Variants in ATP9B observed in about 807,000 individuals in gnomAD.
The protein encoded by ATP9B is ATPase phospholipid transporting 9B.
In ATP9B, 110 loss-of-function variants were observed where a neutral mutation model predicts 146.1. The ratio of observed to expected loss-of-function variants is 0.75; its 90% CI spans 0.65 to 0.88. The LOEUF is 0.88. Ranked by LOEUF, ATP9B falls within the 40% of genes least tolerant of loss-of-function variation. The pLI, the probability that ATP9B is intolerant of heterozygous loss-of-function variation, is 0.00. For synonymous variants in ATP9B, 604 were observed against 569.7 expected (o/e 1.06, Z -0.86); for missense variants, 1,499 against 1,496.4 (o/e 1.00, Z -0.03).
chr18:79,228,556 A>G (rs139003991), intron 11 of ATP9B, among the ~76,000 whole-genome samples: 40 of 152,292 alleles, frequency 2.6e-4, no homozygotes, highest in African/African-American at 9.4e-4. Flanking sequence ...TAAAGAGATT[A>G]TAATCAGAAG....
In ATP9B at chr18:79,122,527, CTG is replaced by C. The variant is rs2094207305; in HGVS notation, c.559-3737_559-3736del. 2.6e-5 allele frequency among the ~76,000 whole-genome samples: 4 copies of C among 152,236 alleles called. No homozygotes were observed. The South Asian group carries it at 8.3e-4, about 32-fold the overall frequency. On this transcript the variant is annotated intron_variant, in intron 4 of 29. Coordinates refer to ENST00000426216, the MANE Select transcript of ATP9B (RefSeq NM_198531.5). Reference sequence around the variant, plus strand: ...GGAAATATAGCATTTCATCATATGACTGTGCTATGAATTTCTTACTTGTGGAC... The same window carrying C: ...GGAAATATAGCATTTCATCATATGACTGCTATGAATTTCTTACTTGTGGAC...
intron 4 of ATP9B, among the ~76,000 whole-genome samples, chr18:79,124,418 A>G (rs1241996243): frequency 6.6e-6 from 1 of 152,266 alleles, no homozygotes; most frequent in Non-Finnish European, 1.5e-5. Flanking sequence ...TACTCTGCTC[A>G]TCAGCTGGTG....
intron 17 of ATP9B, among the ~76,000 whole-genome samples, chr18:79,334,840 A>G (rs2096813339): frequency 7.8e-6 from 1 of 128,674 alleles, no homozygotes; most frequent in Non-Finnish European, 1.6e-5. Context: ...ACATCTGCCC[A>G]GTCGCCCACA....
At chr18:79,337,101 C>T (rs760331892) in intron 18 of ATP9B, among the ~76,000 whole-genome samples, 178 bp from the exon 19 acceptor site, 5 of 151,638 alleles carry the variant, frequency 3.3e-5, no homozygotes, top group Non-Finnish European at 7.4e-5. Context: ...ACACAGGCGC[C>T]TCCCACTCTG....
At chr18:79,323,868 G>C (rs1424475556) in intron 15 of ATP9B, among the ~76,000 whole-genome samples, 1 of 152,122 alleles carries the variant, frequency 6.6e-6, no homozygotes, top group Non-Finnish European at 1.5e-5. Flanking sequence ...TTAGATTGGG[G>C]GTAACCTCCA....
chr18:79,126,399 CT>C, intron 5 of ATP9B, 24 bp downstream of exon 5: 1 of 1,511,812 alleles, frequency 6.6e-7, no homozygotes, highest in Non-Finnish European at 9.1e-7. Flanking sequence ...TTTAATCCTG[CT>C]TAGCGTTTGC....
intron 8 of ATP9B, among the ~76,000 whole-genome samples, chr18:79,190,221 A>G (rs1404990687): frequency 2.0e-5 from 3 of 152,130 alleles, no homozygotes; most frequent in Non-Finnish European, 4.4e-5. Flanking sequence ...AGATTTGTGT[A>G]TATTTTATTG....
intron 5 of ATP9B, among the ~76,000 whole-genome samples, chr18:79,134,842 T>C (rs901629983): frequency 6.6e-6 from 1 of 152,238 alleles, no homozygotes; most frequent in African/African-American, 2.4e-5. Flanking sequence ...TTTTATATAA[T>C]TTAAATATCC....
intron 8 of ATP9B, among the ~76,000 whole-genome samples, chr18:79,177,935 TTA>T (rs1285108248): frequency 6.6e-6 from 1 of 152,200 alleles, no homozygotes; most frequent in East Asian, 1.9e-4. Flanking sequence ...TATGCATAAT[TTA>T]TATGTTTAGA....
At chr18:79,072,903 A>G (rs1049616886) in intron 1 of ATP9B, among the ~76,000 whole-genome samples, 11 of 147,324 alleles carry the variant, frequency 7.5e-5, no homozygotes, top group Admixed American at 1.3e-4. Context: ...GATGCTCCTC[A>G]CCTCCCAGAC....
chr18:79,167,217 C>G (rs1359901928), intron 7 of ATP9B, among the ~76,000 whole-genome samples: 2 of 152,170 alleles, frequency 1.3e-5, no homozygotes, highest in African/African-American at 4.8e-5. Context: ...CCTGTTTGTG[C>G]TACAGCTCTT....
chr18:79,231,574 T>C (rs1468082759), intron 11 of ATP9B, among the ~76,000 whole-genome samples: 3 of 152,098 alleles, frequency 2.0e-5, no homozygotes, highest in African/African-American at 4.8e-5. Flanking sequence ...TGGAAAACAG[T>C]GTGGAGATTC....
chr18:79,072,730 CTGGGCGGGGGCG>C (rs2072035638), intron 1 of ATP9B, among the ~76,000 whole-genome samples: 1 of 86,930 alleles, frequency 1.2e-5, no homozygotes. Flanking sequence ...CAGGCGGCTG[CTGGGCGGGGGCG>C]CCCCCCACCT....
In ATP9B at chr18:79,361,870, GCTCAAGCTC is replaced by G. The variant is rs1188120484; in HGVS notation, c.3012+2411_3012+2419del. On this transcript the variant is annotated intron_variant, in intron 26 of 29. Coordinates refer to ENST00000426216, the MANE Select transcript of ATP9B (RefSeq NM_198531.5). ...TGGACACCAAGTCCCCAGTCCGTCG[GCTCAAGCTC>G]CTGCGATGTAGGACAACATAGCCCT... is the stretch of plus-strand genomic sequence containing the variant. The G allele has an allele frequency of 4.4e-6, 4 of 908,554 alleles. No homozygotes were observed. The South Asian group carries it at 2.0e-4, about 46-fold the overall frequency. The allele number at this position is 908,554 out of a possible 1,614,324, so 56.3% of individuals were successfully genotyped here. A position where few individuals can be genotyped will look rare whatever the true frequency, so the allele number is the denominator to read the frequency against.
intron 15 of ATP9B, among the ~76,000 whole-genome samples, chr18:79,325,922 AC>A (rs1332931505): frequency 6.9e-6 from 1 of 144,262 alleles, no homozygotes; most frequent in Non-Finnish European, 1.5e-5. Flanking sequence ...TCATCTCTGT[AC>A]CCTCCCTCCC....
At chr18:79,072,543 C>G (rs897884637) in intron 1 of ATP9B, among the ~76,000 whole-genome samples, 1 of 151,190 alleles carries the variant, frequency 6.6e-6, no homozygotes, top group Non-Finnish European at 1.5e-5. Flanking sequence ...TCTCCTATGT[C>G]TACTTCTTTC....
chr18:79,176,502 G>A (rs960103788), intron 7 of ATP9B, among the ~76,000 whole-genome samples: 1 of 152,124 alleles, frequency 6.6e-6, no homozygotes, highest in African/African-American at 2.4e-5. Flanking sequence ...ATTGAAAGTA[G>A]AAATGATCAA....
rs370370601 is a variant in ATP9B at position 79,221,786 on chromosome 18, T to A, written c.1107+7748T>A. On this transcript the variant is annotated intron_variant, in intron 11 of 29. Transcript: ENST00000426216. ...AGTTGATGTATGTTAGGTATTTAACTAGTTTTATTAATTGCATTATAAAGG... is the reference window on the plus strand; with the variant it reads ...AGTTGATGTATGTTAGGTATTTAACAAGTTTTATTAATTGCATTATAAAGG... Among the ~76,000 whole-genome samples the A allele has an allele frequency of 1.7e-4, 25 of 150,142 alleles. 2 individuals are homozygous for A. In the South Asian group the frequency reaches 5.2e-3, roughly 31 times the overall value.
At chr18:79,071,399 C>CTTTTTTTTTTTTTTTT (rs56119715) in intron 1 of ATP9B, among the ~76,000 whole-genome samples, 888 of 68,808 alleles carry the variant, frequency 0.013, 104 homozygotes, top group Middle Eastern at 0.02. Context: ...ATTGTTCTTC[C>CTTTTTTTTTTTTTTTT]TTTTTTTTTT....
Sources: gnomAD v4.1 joint callset for allele counts (sites outside exome capture counted in the v4.1 genomes callset) on GRCh38, gnomAD v4.1.1 for gene constraint, MANE v1.5 for transcripts, NCBI Gene and HGNC (gene_info 2026-07-23, HGNC 2026-07-21) for gene names.